Variants in EFR3A observed in about 807,000 individuals in gnomAD.
EFR3A encodes EFR3 homolog A.
EFR3A carries 76 observed loss-of-function variants against 104.4 expected under a neutral mutation model. The observed-to-expected ratio is 0.73, with a 90% CI of 0.60 to 0.88. The LOEUF (loss-of-function observed/expected upper bound fraction) is 0.88, where lower values mean the gene tolerates loss of function less well. EFR3A is among the 40% of genes least tolerant of loss of function. The probability of loss-of-function intolerance (pLI) is 0.00; values close to 1 mark genes in which losing one functional copy is unlikely to be tolerated. For synonymous variants in EFR3A, 330 were observed against 330.0 expected (o/e 1.00, Z 0.00); for missense variants, 985 against 1,012.5 (o/e 0.97, Z 0.37).
At chr8:131,960,504 C>T (rs1205244507) in intron 8 of EFR3A, among the ~76,000 whole-genome samples, 1 of 152,082 alleles carries the variant, frequency 6.6e-6, no homozygotes, top group Non-Finnish European at 1.5e-5. Flanking sequence ...TTTGGGAAAA[C>T]ATGTATAATA....
chr8:131,919,595 CAAAAAAAA>C (rs1054823834), intron 1 of EFR3A, among the ~76,000 whole-genome samples: 2 of 53,880 alleles, frequency 3.7e-5, no homozygotes, highest in Admixed American at 2.0e-4. Flanking sequence ...GACTCCGTCT[CAAAAAAAA>C]AAAAAAAAAA....
chr8:132,008,846 C>CAAAAAAAAAAAAAA lies in EFR3A; in HGVS notation c.2361-1929_2361-1916dup, dbSNP rs55964352. Among the ~76,000 whole-genome samples, 26 of 32,172 alleles carry CAAAAAAAAAAAAAA rather than the reference C, an allele frequency of 8.1e-4. 1 individual carries two copies. Among genetic ancestry groups the CAAAAAAAAAAAAAA allele is most frequent in the Non-Finnish European group, 1.3e-3 (22 of 16,894 alleles). The allele number at this position is 32,172 out of a possible 152,430, so 21.1% of individuals were successfully genotyped here. ...GGGTGACAAGAGTAAAACTCCATCTCAAAAAAAAAAAAAAAAAAAAAAAAA... is the reference window on the plus strand; with the variant it reads ...GGGTGACAAGAGTAAAACTCCATCTCAAAAAAAAAAAAAAAAAAAAAAAAAAAAAAAAAAAAAAA... On this transcript the variant is annotated intron_variant, in intron 22 of 22. Transcript: ENST00000254624.
chr8:131,968,308 A>G lies in EFR3A; in HGVS notation c.869A>G (p.His290Arg). Residue 290 changes from histidine (H) to arginine (R), a missense_variant, in exon 9 of 23, where the codon CAC becomes CGC. Coordinates refer to ENST00000254624, the MANE Select transcript of EFR3A (RefSeq NM_015137.6). The part of the protein sequence containing the change: ...IMYSIQAQYS[H>R]HVIQEILGHL... ...TGTCTCCTTCAGGCTCAGTATTCTC[A>G]CCATGTGATCCAGGAGATTCTAGGA... 1 of 1,613,266 alleles carries G rather than the reference A, an allele frequency of 6.2e-7. No homozygotes were observed.
At chr8:131,994,509 T>G (rs1252712408) in intron 18 of EFR3A, among the ~76,000 whole-genome samples, 1 of 152,150 alleles carries the variant, frequency 6.6e-6, no homozygotes, top group Non-Finnish European at 1.5e-5. Context: ...TAGAAAACCT[T>G]GGGAACTCTG....
At chr8:131,984,548 C>T (rs1013627694) in intron 15 of EFR3A, among the ~76,000 whole-genome samples, 1 of 152,052 alleles carries the variant, frequency 6.6e-6, no homozygotes, top group African/African-American at 2.4e-5. Context: ...CAAACATAGT[C>T]CCTGTATCCA....
At chr8:131,982,925 G>A (rs1487269119) in intron 14 of EFR3A, among the ~76,000 whole-genome samples, 4 of 152,144 alleles carry the variant, frequency 2.6e-5, no homozygotes, top group African/African-American at 9.7e-5. Context: ...CTGGTGGGTA[G>A]CTTTATGTCT....
At position 131,976,140 on chromosome 8, in the gene EFR3A, G is replaced by C; in HGVS notation, c.1273G>C (p.Gly425Arg). Reference protein sequence around the residue: ...STHTLDISQLGDLGTRRIQIM... With the variant: ...STHTLDISQLRDLGTRRIQIM... ...CCATACTTTGGATATCAGTCAACTA[G>C]GGTATGTTCTCAGACTGTAAATTTG... The change falls in exon 11 of 23, where the codon GGG (glycine) becomes CGG (arginine). Residue 425 changes from glycine (G) to arginine (R), a missense_variant and splice_region_variant. Gly to Arg is a moderately radical substitution (Grantham distance 125). Coordinates refer to ENST00000254624, the MANE Select transcript of EFR3A (RefSeq NM_015137.6). The C allele has an allele frequency of 1.3e-6, 2 of 1,542,754 alleles. No homozygotes were observed. The highest frequency in any genetic ancestry group is 1.2e-5 in the South Asian group (1 of 85,608).
At chr8:131,913,539 C>G (rs1251667859) in intron 1 of EFR3A, among the ~76,000 whole-genome samples, 1 of 151,964 alleles carries the variant, frequency 6.6e-6, no homozygotes, top group Non-Finnish European at 1.5e-5. Flanking sequence ...ATTTGCTTTA[C>G]AGTCTTTAAG....
intron 14 of EFR3A, among the ~76,000 whole-genome samples, chr8:131,983,347 G>A (rs1820713394): frequency 6.6e-6 from 1 of 152,136 alleles, no homozygotes; most frequent in Non-Finnish European, 1.5e-5. Context: ...GAGAAGTGGG[G>A]AGGGCAAGAG....
At chr8:131,972,037 C>T (rs1820080919) in intron 10 of EFR3A, among the ~76,000 whole-genome samples, 2 of 152,136 alleles carry the variant, frequency 1.3e-5, no homozygotes, top group South Asian at 2.1e-4. Flanking sequence ...TCCTTCCAAA[C>T]CTATCAGTTG....
Position 131,987,616 on chromosome 8 carries a change from T to TG in EFR3A, c.1979_1980insG (p.Phe660LeufsTer16). ...GAGAAGCATGAAAAAGATTTGTACT[T>TG]TCTGACCAACAAGATTGCAGAGTCG... On this transcript the variant is annotated frameshift_variant, in exon 18 of 23. Transcript: ENST00000254624. LOFTEE classifies it high-confidence loss of function. 1 of 1,597,926 alleles carries TG rather than the reference T, an allele frequency of 6.3e-7. No individual in the cohort carries two copies. The highest frequency in any genetic ancestry group is 8.5e-7 in the Non-Finnish European group (1 of 1,171,056).
chr8:131,982,525 A>G (rs544562090), intron 14 of EFR3A, among the ~76,000 whole-genome samples: 8 of 152,222 alleles, frequency 5.3e-5, no homozygotes, highest in African/African-American at 1.2e-4. Flanking sequence ...GTAATAGGTT[A>G]TGTATTCTTC....
Position 131,968,336 on chromosome 8 carries a change from C to A in EFR3A, c.897C>A (p.His299Gln). The change falls in exon 9 of 23, where the codon CAC (histidine) becomes CAA (glutamine). Residue 299 changes from histidine (H) to glutamine (Q), a missense_variant. His to Gln is a conservative substitution (Grantham distance 24). Transcript: ENST00000254624. ...SHHVIQEILGHLDARKKDAPR... is the reference protein window; with the variant it reads ...SHHVIQEILGQLDARKKDAPR... ...ATGTGATCCAGGAGATTCTAGGACA[C>A]CTTGATGCTCGTAAAAAAGATGCTC... The A allele has an allele frequency of 4.3e-6, 7 of 1,613,382 alleles. No individual in the cohort carries two copies. Among genetic ancestry groups the A allele is most frequent in the Middle Eastern group, 1.6e-4 (1 of 6,062 alleles).
chr8:131,963,967 A>C (rs1393391290), intron 8 of EFR3A, among the ~76,000 whole-genome samples: 1 of 152,220 alleles, frequency 6.6e-6, no homozygotes, highest in Non-Finnish European at 1.5e-5. Flanking sequence ...CCAAAGACAA[A>C]AACCGCATGA....
intron 8 of EFR3A, among the ~76,000 whole-genome samples, chr8:131,963,251 A>G (rs1048708315): frequency 6.6e-6 from 1 of 152,230 alleles, no homozygotes; most frequent in African/African-American, 2.4e-5. Context: ...AGAGACACAA[A>G]AAACCCTTCA....
chr8:131,912,270 G>A (rs1816546234), intron 1 of EFR3A, among the ~76,000 whole-genome samples: 2 of 152,170 alleles, frequency 1.3e-5, no homozygotes, highest in Non-Finnish European at 2.9e-5. Context: ...GACCTGCATG[G>A]CACATGGAAG....
chr8:131,944,836 A>G lies in EFR3A; in HGVS notation c.179A>G (p.Glu60Gly), dbSNP rs1277511974. 1.9e-6 allele frequency: 3 copies of G among 1,610,926 alleles called. No individual in the cohort carries two copies. Among genetic ancestry groups the G allele is most frequent in the African/African-American group, 2.7e-5 (2 of 74,766 alleles). ...KLDRIGSYLA[E>G]RLSRDVVRHR... The stretch of plus-strand genomic sequence containing the variant: ...GATCGAATTGGTTCTTACCTGGCAG[A>G]AAGGTTGAGCAGGGATGTTGTCAGA... The change falls in exon 3 of 23, where the codon GAA becomes GGA. Residue 60 changes from glutamate (E) to glycine (G), a missense_variant. Physicochemically the swap from Glu to Gly is moderately conservative, Grantham distance 98 (BLOSUM62 -2). Coordinates refer to ENST00000254624, the MANE Select transcript of EFR3A (RefSeq NM_015137.6).
intron 2 of EFR3A, among the ~76,000 whole-genome samples, chr8:131,944,091 A>G (rs541283597): frequency 9.9e-5 from 15 of 152,156 alleles, no homozygotes; most frequent in East Asian, 3.9e-4. Flanking sequence ...ACCTATTCCA[A>G]TATTCCTAAG....
Position 131,946,501 on chromosome 8 carries a change from G to A in EFR3A, c.234G>A (p.Met78Ile). 6.2e-7 allele frequency: 1 copy of A among 1,600,754 alleles called. No homozygotes were observed. The highest frequency in any genetic ancestry group is 8.5e-7 in the Non-Finnish European group (1 of 1,173,986). ...RHRSGYVLIA[M>I]EALDQLLMAC... ...CATGTAGGTATGTTTTGATTGCTAT[G>A]GAGGCACTGGACCAACTTCTCATGG... is the stretch of plus-strand genomic sequence containing the variant. Residue 78 changes from methionine to isoleucine, a missense_variant, in exon 4 of 23, where the codon ATG (methionine) becomes ATA (isoleucine). By Grantham distance (10) the Met-to-Ile change is conservative. Transcript: ENST00000254624.
Sources: gnomAD v4.1 joint callset for allele counts (sites outside exome capture counted in the v4.1 genomes callset) on GRCh38, gnomAD v4.1.1 for gene constraint, MANE v1.5 for transcripts, NCBI Gene and HGNC (gene_info 2026-07-23, HGNC 2026-07-21) for gene names.